Variants in GABRG1 observed in about 807,000 individuals in gnomAD.
GABRG1 encodes the protein gamma-aminobutyric acid receptor subunit gamma-1.
Under a neutral mutation model 49.8 loss-of-function variants are expected in GABRG1, and 49 were observed. The observed-to-expected ratio is 0.98, with a 90% CI of 0.78 to 1.25. The LOEUF (loss-of-function observed/expected upper bound fraction) is 1.25. Among genes scored for constraint, GABRG1 ranks in the 50% most tolerant of loss-of-function variants. The pLI is 0.00. For missense variants in GABRG1, 552 were observed against 552.3 expected (o/e 1.00, Z 0.01); for synonymous variants, 232 against 185.1 (o/e 1.25, Z -2.06).
chr4:46,041,252 C>G lies in GABRG1; in HGVS notation c.1134G>C (p.Met378Ile). ...TGGATCCAGGATGGAGACCAGGAGT[C>G]ATCTGAGCACAATAATAAATGAATT... ...KDRKLKNKAS[M>I]TPGLHPGSTL... The change falls in exon 9 of 9, where the codon ATG (methionine) becomes ATC (isoleucine). Residue 378 changes from methionine (M) to isoleucine (I), a missense_variant and splice_region_variant. By Grantham distance (10) the Met-to-Ile change is conservative (BLOSUM62 1). Transcript: ENST00000295452. 6.2e-7 allele frequency: 1 copy of G among 1,611,148 alleles called. No homozygotes were observed. The highest frequency in any genetic ancestry group is 8.5e-7 in the Non-Finnish European group (1 of 1,178,450).
At chr4:46,076,404 T>C (rs910590043) in intron 3 of GABRG1, among the ~76,000 whole-genome samples, 24 of 134,562 alleles carry the variant, frequency 1.8e-4, no homozygotes, top group Non-Finnish European at 3.0e-4. Context: ...TATATATATA[T>C]GCTAAATTAC....
intron 1 of GABRG1, among the ~76,000 whole-genome samples, chr4:46,116,071 C>G (rs1208433741): frequency 1.3e-5 from 2 of 150,780 alleles, no homozygotes; most frequent in South Asian, 4.2e-4. Context: ...AGCTTGCCAA[C>G]TTTTAGATTT....
intron 3 of GABRG1, among the ~76,000 whole-genome samples, chr4:46,074,665 G>T (rs564723182): frequency 1.1e-4 from 17 of 152,256 alleles, no homozygotes; most frequent in African/African-American, 4.1e-4. Flanking sequence ...AAACTGAAGA[G>T]CAGCTGGTGT....
intron 4 of GABRG1, among the ~76,000 whole-genome samples, 175 bp from the exon 5 acceptor site, chr4:46,064,698 A>G (rs1477298740): frequency 6.6e-6 from 1 of 152,118 alleles, no homozygotes; most frequent in African/African-American, 2.4e-5. Flanking sequence ...TATAATATTT[A>G]TATATGACAG....
intron 3 of GABRG1, among the ~76,000 whole-genome samples, chr4:46,077,673 T>C (rs1374934196): frequency 1.3e-5 from 2 of 151,942 alleles, no homozygotes; most frequent in East Asian, 3.9e-4. Flanking sequence ...TTTTTAGTCA[T>C]CTTCCCTGCT....
At chr4:46,087,837 C>T (rs767058119) in intron 2 of GABRG1, among the ~76,000 whole-genome samples, 16 of 151,906 alleles carry the variant, frequency 1.1e-4, no homozygotes, top group Non-Finnish European at 1.8e-4. Context: ...CACCACTTGA[C>T]AATCAACCTT....
chr4:46,113,243 G>A (rs1355179117), intron 1 of GABRG1, among the ~76,000 whole-genome samples: 2 of 151,084 alleles, frequency 1.3e-5, no homozygotes, highest in Non-Finnish European at 3.0e-5. Context: ...TTGACTCACA[G>A]TTCAGTATAA....
chr4:46,038,718 T>C lies in GABRG1; in HGVS notation c.*2270A>G, dbSNP rs1033750783. On this transcript the variant is annotated 3_prime_UTR_variant, in exon 9 of 9. Coordinates refer to ENST00000295452, the MANE Select transcript of GABRG1 (RefSeq NM_173536.4). ...TTATTTTTAGAAATAATAAGATTTG[T>C]ACGCCATTCTTTCTGATCACACATT... is the stretch of plus-strand genomic sequence containing the variant. 14 of 151,682 alleles carry C rather than the reference T, an allele frequency of 9.2e-5. No homozygotes were observed. Among genetic ancestry groups the C allele is most frequent in the African/African-American group, 2.4e-4 (10 of 41,416 alleles). The allele number at this position is 151,682 out of a possible 1,614,324, so 9.4% of individuals were successfully genotyped here.
In GABRG1 at chr4:46,037,312, TATTTGAAAACTCC is replaced by T. The variant is rs1448561650; in HGVS notation, c.*3663_*3675del. On this transcript the variant is annotated 3_prime_UTR_variant, in exon 9 of 9. Transcript: ENST00000295452. ...TTAACTAGAGCAATGTGGTCAATAGTATTTGAAAACTCCATTTGGAAAGTCCTTGATAAAGTTT... is the reference window on the plus strand; with the variant it reads ...TTAACTAGAGCAATGTGGTCAATAGTATTTGGAAAGTCCTTGATAAAGTTT... 1 of 151,836 alleles carries T rather than the reference TATTTGAAAACTCC, an allele frequency of 6.6e-6. No individual in the cohort carries two copies. Among genetic ancestry groups the T allele is most frequent in the Non-Finnish European group, 1.5e-5 (1 of 67,860 alleles). 9.4% of individuals were successfully genotyped at this position (151,836 alleles called of 1,614,324 possible).
intron 7 of GABRG1, among the ~76,000 whole-genome samples, chr4:46,056,873 T>C (rs1456533353): frequency 3.3e-5 from 5 of 152,132 alleles, no homozygotes; most frequent in African/African-American, 9.6e-5. Context: ...ACCTTTATGA[T>C]TGATATGCTA....
chr4:46,109,651 G>A (rs139178315), intron 1 of GABRG1, among the ~76,000 whole-genome samples: 13 of 151,098 alleles, frequency 8.6e-5, no homozygotes, highest in African/African-American at 2.9e-4. Flanking sequence ...CCCACAGTTA[G>A]CATATAAACT....
At chr4:46,078,340 A>G (rs987572384) in intron 3 of GABRG1, among the ~76,000 whole-genome samples, 1 of 152,028 alleles carries the variant, frequency 6.6e-6, no homozygotes, top group Admixed American at 6.6e-5. Flanking sequence ...AAGCTAATGT[A>G]CTTGGCAAGA....
At chr4:46,113,581 G>T (rs535108854) in intron 1 of GABRG1, among the ~76,000 whole-genome samples, 1 of 151,084 alleles carries the variant, frequency 6.6e-6, no homozygotes, top group African/African-American at 2.4e-5. Context: ...AAATGATAAA[G>T]GATGAAATAG....
intron 8 of GABRG1, among the ~76,000 whole-genome samples, chr4:46,046,255 G>A (rs918016057): frequency 6.6e-6 from 1 of 152,038 alleles, no homozygotes; most frequent in Admixed American, 6.6e-5. Context: ...AGTCTATGAT[G>A]TTTTAAATAG....
At chr4:46,077,322 A>C (rs1719388501) in intron 3 of GABRG1, among the ~76,000 whole-genome samples, 1 of 151,990 alleles carries the variant, frequency 6.6e-6, no homozygotes, top group Non-Finnish European at 1.5e-5. Flanking sequence ...AATATTTTTA[A>C]AAAAAGTAAT....
chr4:46,058,742 A>C (rs1487173775), intron 5 of GABRG1, 120 bp from the exon 6 acceptor site: 7 of 706,656 alleles, frequency 9.9e-6, no homozygotes, highest in Non-Finnish European at 1.6e-5. Context: ...GATATGCCAA[A>C]CATAGAATAT....
intron 5 of GABRG1, among the ~76,000 whole-genome samples, chr4:46,060,645 A>C (rs906095081): frequency 1.3e-5 from 2 of 152,198 alleles, no homozygotes; most frequent in African/African-American, 4.8e-5. Flanking sequence ...TGTATTTTGC[A>C]CTAGGATCTC....
At position 46,056,151 on chromosome 4, in the gene GABRG1, T is replaced by TAAAA. The variant is rs1182116080; in HGVS notation, c.916+2062_916+2065dup. 8.7e-3 allele frequency among the ~76,000 whole-genome samples: 79 copies of TAAAA among 9,132 alleles called. 10 individuals are homozygous for TAAAA. Among genetic ancestry groups the TAAAA allele is most frequent in the African/African-American group, 0.025 (26 of 1,022 alleles). The allele number at this position is 9,132 out of a possible 152,430, so 6.0% of individuals were successfully genotyped here. ...AAAAAAAAAAAATAAATAAATAAAT[T>TAAAA]AAAAAAAAAAAAAAAAAAAAAAAAA... On this transcript the variant is annotated intron_variant, in intron 7 of 8. Transcript: ENST00000295452.
intron 7 of GABRG1, 127 bp from the exon 8 acceptor site, chr4:46,051,765 A>G: frequency 1.8e-6 from 1 of 569,796 alleles, no homozygotes; most frequent in Non-Finnish European, 3.1e-6. Flanking sequence ...AGTAATTTAT[A>G]TTAATAATTA....
Sources: gnomAD v4.1 joint callset for allele counts (sites outside exome capture counted in the v4.1 genomes callset) on GRCh38, gnomAD v4.1.1 for gene constraint, MANE v1.5 for transcripts, NCBI Gene and HGNC (gene_info 2026-07-23, HGNC 2026-07-21) for gene names.